ZEB1: variants seen among roughly 807,000 people sequenced by gnomAD.
ZEB1 encodes zinc finger E-box-binding homeobox 1.
A neutral mutation model predicts 84.9 loss-of-function variants in ZEB1; 21 were observed. That is an observed-to-expected ratio of 0.25 (90% CI 0.18 to 0.36). The LOEUF is 0.36. ZEB1 is among the 10% of genes least tolerant of loss of function. The pLI, the probability that ZEB1 is intolerant of heterozygous loss-of-function variation, is 1.00. For synonymous variants in ZEB1, 420 were observed against 471.1 expected (o/e 0.89, Z 1.41); for missense variants, 1,104 against 1,330.2 (o/e 0.83, Z 2.65).
chr10:31,323,787 T>C (rs1330672413), intron 1 of ZEB1, among the ~76,000 whole-genome samples: 1 of 152,056 alleles, frequency 6.6e-6, no homozygotes, highest in Non-Finnish European at 1.5e-5. Context: ...TTTAAGCCTC[T>C]CATTAGGTAG....
At chr10:31,376,609 G>C (rs2046667138) in intron 1 of ZEB1, among the ~76,000 whole-genome samples, 1 of 151,660 alleles carries the variant, frequency 6.6e-6, no homozygotes, top group African/African-American at 2.4e-5. Flanking sequence ...GAGTCATACT[G>C]GTTGGGTGTG....
intron 1 of ZEB1, chr10:31,381,675 C>T (rs223533): frequency 0.048 from 7,283 of 151,988 alleles, 184 homozygotes; most frequent in South Asian, 0.066. Context: ...GGTGTGTTAC[C>T]CAGATACCAG....
intron 1 of ZEB1, chr10:31,373,151 T>C: frequency 3.0e-6 from 3 of 985,260 alleles, no homozygotes; most frequent in Non-Finnish European, 3.6e-6. Context: ...ACTAATGGAG[T>C]GACTATCAAA....
intron 1 of ZEB1, among the ~76,000 whole-genome samples, chr10:31,431,941 AGGT>A (rs1266084429): frequency 1.3e-5 from 2 of 152,248 alleles, no homozygotes; most frequent in Non-Finnish European, 2.9e-5. Context: ...AGAACAGAAA[AGGT>A]GGAGACTTGG....
chr10:31,401,802 G>A (rs114890697), intron 1 of ZEB1, among the ~76,000 whole-genome samples: 2,452 of 152,176 alleles, frequency 0.016, 51 homozygotes, highest in African/African-American at 0.055. Context: ...TTAACCAGAT[G>A]CCTTTAGAAT....
intron 2 of ZEB1, among the ~76,000 whole-genome samples, chr10:31,478,983 ATATC>A (rs1274400568): frequency 2.0e-5 from 3 of 151,868 alleles, no homozygotes; most frequent in African/African-American, 7.2e-5. Flanking sequence ...ATTATGTAAT[ATATC>A]TATGTGATAA....
chr10:31,501,095 T>A (rs2068056808), intron 3 of ZEB1, among the ~76,000 whole-genome samples: 1 of 152,316 alleles, frequency 6.6e-6, no homozygotes, highest in Non-Finnish European at 1.5e-5. Flanking sequence ...AACAAACAGA[T>A]GCCCATACAT....
At chr10:31,495,680 G>C in intron 2 of ZEB1, 96 bp from the exon 3 acceptor site, 1 of 1,253,250 alleles carries the variant, frequency 8.0e-7, no homozygotes, top group Non-Finnish European at 1.2e-6. Context: ...GTAATGATCA[G>C]ATCAGAGTAA....
intron 1 of ZEB1, among the ~76,000 whole-genome samples, chr10:31,354,576 C>T (rs1208595070): frequency 1.3e-5 from 2 of 152,086 alleles, no homozygotes; most frequent in Non-Finnish European, 2.9e-5. Flanking sequence ...TTGATAGTGT[C>T]GTTCTGAGCC....
At position 31,526,629 on chromosome 10, in the gene ZEB1, G is replaced by A. The variant is rs756140819; in HGVS notation, c.2786-43G>A. 6 of 1,606,502 alleles carry A rather than the reference G, an allele frequency of 3.7e-6. No homozygotes were observed. The African/African-American group carries it at 4.0e-5, about 11-fold the overall frequency. On this transcript the variant is annotated intron_variant, in intron 8 of 8. Transcript: ENST00000424869. Reference sequence around the variant, plus strand: ...CAAAAACCGTATAAGGATTTTATTTGCTGAATACCACCATTTTATTTAACA... The same window carrying A: ...CAAAAACCGTATAAGGATTTTATTTACTGAATACCACCATTTTATTTAACA...
intron 1 of ZEB1, 44 bp from the exon 2 acceptor site, chr10:31,460,993 T>C (rs894073646): frequency 4.0e-6 from 6 of 1,485,086 alleles, no homozygotes; most frequent in Non-Finnish European, 5.6e-6. Flanking sequence ...AACTGATTGT[T>C]TTACTAGTTG....
chr10:31,472,924 A>G (rs2063484775), intron 2 of ZEB1, among the ~76,000 whole-genome samples: 1 of 124,446 alleles, frequency 8.0e-6, no homozygotes, highest in South Asian at 2.4e-4. Context: ...CAATAAATGT[A>G]ATCCAGCATA....
chr10:31,510,910 A>C, intron 5 of ZEB1, 35 bp downstream of exon 5: 1 of 1,599,584 alleles, frequency 6.3e-7, no homozygotes, highest in Non-Finnish European at 8.6e-7. Context: ...CTAACTTTCC[A>C]GATTTTGACA....
At chr10:31,495,663 A>G (rs1364936965) in intron 2 of ZEB1, 113 bp from the exon 3 acceptor site, 3 of 1,029,948 alleles carry the variant, frequency 2.9e-6, no homozygotes, top group African/African-American at 3.2e-5. Context: ...ATACATGTAT[A>G]CAATGTGTAA....
In ZEB1 at chr10:31,392,128, A is replaced by C. The variant is rs573763769; in HGVS notation, c.59-68909A>C. ...CTAAATGGGAGCAGTTAGTTTGCTA[A>C]TGCTTTCTTCTGTTCTGCCCTTTGA... is the stretch of plus-strand genomic sequence containing the variant. On this transcript the variant is annotated intron_variant, in intron 1 of 8. Coordinates refer to ENST00000424869, the MANE Select transcript of ZEB1 (RefSeq NM_001174096.2). 3.3e-5 allele frequency among the ~76,000 whole-genome samples: 5 copies of C among 152,280 alleles called. No individual in the cohort carries two copies. The East Asian group carries it at 9.6e-4, about 29-fold the overall frequency.
At chr10:31,449,154 C>T (rs186931033) in intron 1 of ZEB1, among the ~76,000 whole-genome samples, 3 of 152,356 alleles carry the variant, frequency 2.0e-5, no homozygotes, top group East Asian at 3.9e-4. Flanking sequence ...GCGCAATATT[C>T]GGGTGGGAGT....
Position 31,526,980 on chromosome 10 carries a change from G to A in ZEB1, c.3094G>A (p.Glu1032Lys), listed in dbSNP as rs780291714. 6.2e-7 allele frequency: 1 copy of A among 1,612,174 alleles called. No individual in the cohort carries two copies. Among genetic ancestry groups the A allele is most frequent in the South Asian group, 1.1e-5 (1 of 90,830 alleles). Reference sequence around the variant, plus strand: ...GGACGAGAGAGAGAGTTTGACAAGGGAAGAGGATGAAGACAGTGAAAAAGA... The same window carrying A: ...GGACGAGAGAGAGAGTTTGACAAGGAAAGAGGATGAAGACAGTGAAAAAGA... ...DSDERESLTR[E>K]EDEDSEKEEE... Residue 1032 changes from glutamate to lysine, a missense_variant, in exon 9 of 9, where the codon GAA (glutamate) becomes AAA (lysine). By Grantham distance (56) the Glu-to-Lys change is moderately conservative (BLOSUM62 1). Transcript: ENST00000424869.
At chr10:31,360,191 T>A (rs1359197564) in intron 1 of ZEB1, among the ~76,000 whole-genome samples, 1 of 152,192 alleles carries the variant, frequency 6.6e-6, no homozygotes, top group Non-Finnish European at 1.5e-5. Context: ...CTTTATGCCA[T>A]AGTCTCTTTT....
intron 1 of ZEB1, among the ~76,000 whole-genome samples, chr10:31,403,083 G>T (rs1211347724): frequency 6.6e-6 from 1 of 152,028 alleles, no homozygotes; most frequent in Non-Finnish European, 1.5e-5. Context: ...AAAAGGTGCA[G>T]GCTTTGGAAT....
Sources: gnomAD v4.1 joint callset for allele counts (sites outside exome capture counted in the v4.1 genomes callset) on GRCh38, gnomAD v4.1.1 for gene constraint, MANE v1.5 for transcripts, NCBI Gene and HGNC (gene_info 2026-07-23, HGNC 2026-07-21) for gene names.